MBNL1: variants seen among roughly 807,000 people sequenced by gnomAD.
MBNL1 encodes muscleblind like splicing regulator 1.
Under a neutral mutation model 42.2 loss-of-function variants are expected in MBNL1, and 8 were observed. The ratio of observed to expected loss-of-function variants is 0.19; its 90% CI spans 0.11 to 0.34. The LOEUF is 0.34. Ranked by LOEUF, MBNL1 falls within the 10% of genes least tolerant of loss-of-function variation. MBNL1 has a pLI of 1.00. For synonymous variants in MBNL1, 169 were observed against 173.9 expected (o/e 0.97, Z 0.22); for missense variants, 309 against 495.3 (o/e 0.62, Z 3.57).
rs1560502485 is a variant in MBNL1, at chr3:152,414,964, C to T, written c.198C>T (p.Cys66=). The change falls in exon 3 of 10, where the codon TGC becomes TGT. Residue 66 remains cysteine, a synonymous_variant. Coordinates refer to ENST00000324210, the MANE Select transcript of MBNL1 (RefSeq NM_021038.5). ...SLKGRCSREN[C]KYLHPPPHLK... is the part of the protein sequence containing the mutation. ...AGGGCCGTTGCTCCAGGGAGAACTGCAAATATCTTCATCCACCCCCACATT... is the reference window on the plus strand; with the variant it reads ...AGGGCCGTTGCTCCAGGGAGAACTGTAAATATCTTCATCCACCCCCACATT... The T allele has an allele frequency of 1.2e-6, 2 of 1,609,322 alleles. No individual in the cohort carries two copies. Among genetic ancestry groups the T allele is most frequent in the African/African-American group, 1.3e-5 (1 of 74,714 alleles).
At chr3:152,419,771 C>G (rs1244772204) in intron 3 of MBNL1, among the ~76,000 whole-genome samples, 2 of 152,102 alleles carry the variant, frequency 1.3e-5, no homozygotes, top group Non-Finnish European at 2.9e-5. Context: ...GAACCGTTCA[C>G]TCCCCTGGAA....
At chr3:152,311,812 C>T (rs1396350635) in intron 2 of MBNL1, among the ~76,000 whole-genome samples, 2 of 151,560 alleles carry the variant, frequency 1.3e-5, no homozygotes, top group East Asian at 3.9e-4. Context: ...CATGTTTGCT[C>T]TCAAAAAACA....
rs377557618 is a variant in MBNL1 at position 152,402,714 on chromosome 3, TTGAA to T, written c.175-12222_175-12219del. On this transcript the variant is annotated intron_variant, in intron 2 of 9. Coordinates refer to ENST00000324210, the MANE Select transcript of MBNL1 (RefSeq NM_021038.5). The stretch of plus-strand genomic sequence containing the variant: ...AAGACTAGAGGAGAGAAAAATATAT[TTGAA>T]TGAAGAAAAAAATGGGGCTATAGTA... Among the ~76,000 whole-genome samples, 93 of 152,178 alleles carry T rather than the reference TTGAA, an allele frequency of 6.1e-4. No homozygotes were observed. In the South Asian group the frequency reaches 0.019, roughly 31 times the overall value.
intron 2 of MBNL1, among the ~76,000 whole-genome samples, chr3:152,371,950 G>A (rs2096681877): frequency 1.3e-5 from 2 of 152,072 alleles, no homozygotes; most frequent in African/African-American, 4.8e-5. Context: ...TCAAACATAG[G>A]TTTGGTCTTC....
chr3:152,310,000 C>T (rs181307450), intron 2 of MBNL1, among the ~76,000 whole-genome samples: 1 of 152,274 alleles, frequency 6.6e-6, no homozygotes, highest in Non-Finnish European at 1.5e-5. Flanking sequence ...CAAATTTGCT[C>T]AGGTAACACA....
chr3:152,390,767 T>G (rs776207110), intron 2 of MBNL1, among the ~76,000 whole-genome samples: 1 of 152,096 alleles, frequency 6.6e-6, no homozygotes, highest in African/African-American at 2.4e-5. Flanking sequence ...AAACTGTTAA[T>G]GGACTAGGAT....
At chr3:152,255,359 G>A (rs2035304926) in intron 2 of MBNL1, among the ~76,000 whole-genome samples, 1 of 151,982 alleles carries the variant, frequency 6.6e-6, no homozygotes, top group African/African-American at 2.4e-5. Flanking sequence ...TTAATATTGA[G>A]CCTTAACTTA....
intron 2 of MBNL1, among the ~76,000 whole-genome samples, chr3:152,344,186 A>G (rs2093834267): frequency 6.6e-6 from 1 of 152,170 alleles, no homozygotes; most frequent in Non-Finnish European, 1.5e-5. Context: ...TAAGTTAAAA[A>G]ACATAAAACA....
chr3:152,439,956 G>A (rs993729108), intron 4 of MBNL1, among the ~76,000 whole-genome samples: 1 of 152,158 alleles, frequency 6.6e-6, no homozygotes, highest in East Asian at 1.9e-4. Context: ...GTCCTCTTGG[G>A]TTTGCACAGT....
intron 2 of MBNL1, among the ~76,000 whole-genome samples, chr3:152,252,276 C>G (rs1365197280): frequency 6.7e-6 from 1 of 149,634 alleles, no homozygotes; most frequent in East Asian, 2.0e-4. Context: ...TCCTCCCTTC[C>G]TCCCCTCCCT....
intron 1 of MBNL1, among the ~76,000 whole-genome samples, chr3:152,286,151 AAT>A (rs943906187): frequency 1.3e-5 from 2 of 151,260 alleles, no homozygotes; most frequent in African/African-American, 4.8e-5. Flanking sequence ...GTTTTACTTT[AAT>A]TTAAATTCCA....
chr3:152,454,820 A>AGCGG (rs1730439210), intron 6 of MBNL1, among the ~76,000 whole-genome samples: 4 of 152,234 alleles, frequency 2.6e-5, no homozygotes, highest in African/African-American at 9.6e-5. Flanking sequence ...GATACTGTGA[A>AGCGG]GTAAACCAAT....
In MBNL1 at chr3:152,465,002, G is replaced by T. The variant is rs1288941117; in HGVS notation, c.*2636G>T. ...AAACATGTTGCTTTGCTTTCTTGTGGACAGCTTGTAGTTTGCCAGGATTTT... is the reference window on the plus strand; with the variant it reads ...AAACATGTTGCTTTGCTTTCTTGTGTACAGCTTGTAGTTTGCCAGGATTTT... On this transcript the variant is annotated 3_prime_UTR_variant, in exon 10 of 10. Transcript: ENST00000324210. 3 of 152,556 alleles carry T rather than the reference G, an allele frequency of 2.0e-5. No homozygotes were observed. The highest frequency in any genetic ancestry group is 2.0e-4 in the Admixed American group (3 of 15,258). The allele number at this position is 152,556 out of a possible 1,614,324, so 9.5% of individuals were successfully genotyped here. A position where few individuals can be genotyped will look rare whatever the true frequency, so the allele number is the denominator to read the frequency against.
chr3:152,262,205 T>G (rs1487933486), intron 2 of MBNL1, among the ~76,000 whole-genome samples: 1 of 152,186 alleles, frequency 6.6e-6, no homozygotes. Context: ...GTTAATATAT[T>G]AAAATTAATT....
intron 2 of MBNL1, among the ~76,000 whole-genome samples, chr3:152,324,018 C>G (rs972574472): frequency 6.6e-6 from 1 of 152,168 alleles, no homozygotes; most frequent in African/African-American, 2.4e-5. Context: ...CTGTTGCTGA[C>G]CCAGATAACT....
chr3:152,317,028 C>A (rs2072186213), intron 2 of MBNL1, among the ~76,000 whole-genome samples: 1 of 151,768 alleles, frequency 6.6e-6, no homozygotes, highest in Admixed American at 6.6e-5. Flanking sequence ...ATTTCTGATT[C>A]AAAAAATATA....
Position 152,432,461 on chromosome 3 carries a change from C to A in MBNL1, c.346-256C>A, listed in dbSNP as rs572740933. Among the ~76,000 whole-genome samples the A allele has an allele frequency of 8.5e-5, 13 of 152,100 alleles. No individual in the cohort carries two copies. The East Asian group carries it at 2.5e-3, about 29-fold the overall frequency. On this transcript the variant is annotated intron_variant, in intron 3 of 9. Coordinates refer to ENST00000324210, the MANE Select transcript of MBNL1 (RefSeq NM_021038.5). ...AAAAAAAAAATACAAGTATTATAGA[C>A]CCTCAGCTACAAAATTCCAGTGAAT...
chr3:152,400,307 A>G (rs532420462), intron 2 of MBNL1, among the ~76,000 whole-genome samples: 2 of 152,258 alleles, frequency 1.3e-5, no homozygotes, highest in South Asian at 4.1e-4. Flanking sequence ...TTAGTTTTAT[A>G]AACATTTGCT....
At chr3:152,406,865 T>C (rs1464837450) in intron 2 of MBNL1, among the ~76,000 whole-genome samples, 1 of 152,132 alleles carries the variant, frequency 6.6e-6, no homozygotes, top group East Asian at 1.9e-4. Flanking sequence ...TAACCTAAAA[T>C]CCCATTTGTG....
Sources: allele counts gnomAD v4.1 joint callset (sites outside exome capture counted in the v4.1 genomes callset), GRCh38; gene constraint gnomAD v4.1.1; transcripts MANE v1.5; gene names NCBI Gene and HGNC (gene_info 2026-07-23, HGNC 2026-07-21).